ESR1: variants seen among roughly 807,000 people sequenced by gnomAD.
The protein encoded by ESR1 is estrogen receptor.
A neutral mutation model predicts 52.7 loss-of-function variants in ESR1; 12 were observed. The ratio of observed to expected loss-of-function variants is 0.23; its 90% CI spans 0.15 to 0.37. ESR1 has a LOEUF of 0.37. ESR1 is among the 10% of genes least tolerant of loss of function. ESR1 has a pLI of 1.00. For missense variants in ESR1, 584 were observed against 779.7 expected (o/e 0.75, Z 2.99); for synonymous variants, 305 against 316.8 (o/e 0.96, Z 0.39).
chr6:151,766,253 G>T (rs1785040901), intron 2 of ESR1, among the ~76,000 whole-genome samples: 2 of 152,212 alleles, frequency 1.3e-5, no homozygotes, highest in Non-Finnish European at 2.9e-5. Context: ...GAGCGATTCA[G>T]AGGTGGATTT....
chr6:151,656,799 C>G (rs1200768201), intron 1 of ESR1: 3 of 152,070 alleles, frequency 2.0e-5, no homozygotes, highest in Admixed American at 2.0e-4. Flanking sequence ...TTAACTTTCC[C>G]TTGGACAACT....
chr6:151,850,122 A>ATATTATTTTC (rs1313427763), intron 2 of ESR1, among the ~76,000 whole-genome samples: 1 of 143,998 alleles, frequency 6.9e-6, no homozygotes, highest in Non-Finnish European at 1.5e-5. Context: ...AATTATATAT[A>ATATTATTTTC]TATGTCTGGT....
chr6:152,024,879 A>G (rs1460834445), intron 5 of ESR1, among the ~76,000 whole-genome samples: 1 of 150,970 alleles, frequency 6.6e-6, no homozygotes, highest in Non-Finnish European at 1.5e-5. Context: ...ATATAAATAT[A>G]CTAGAAAGTC....
In ESR1 at chr6:151,789,861, C is replaced by T. The variant is rs575183300; in HGVS notation, c.-70-17982C>T. On this transcript the variant is annotated intron_variant, in intron 2 of 2. Transcript: ENST00000404742. ...TCCCTCCCATTTATTTGTCTTTGTGCATCTTAAAGCCAGCCTGAATTTCTA... is the reference window on the plus strand; with the variant it reads ...TCCCTCCCATTTATTTGTCTTTGTGTATCTTAAAGCCAGCCTGAATTTCTA... Among the ~76,000 whole-genome samples the T allele has an allele frequency of 2.6e-5, 4 of 152,232 alleles. No homozygotes were observed. The South Asian group carries it at 8.3e-4, about 32-fold the overall frequency.
intron 4 of ESR1, among the ~76,000 whole-genome samples, chr6:151,987,789 T>C (rs1381730594): frequency 6.6e-6 from 1 of 152,148 alleles, no homozygotes; most frequent in Non-Finnish European, 1.5e-5. Context: ...TGTATGCTGT[T>C]ATTATTTTTA....
intron 5 of ESR1, among the ~76,000 whole-genome samples, chr6:152,012,056 T>TCACA (rs1422789963): frequency 3.1e-5 from 4 of 129,058 alleles, no homozygotes; most frequent in African/African-American, 6.0e-5. Context: ...ACTCACACTC[T>TCACA]CTCTCTCTCT....
At chr6:152,118,185 C>T (rs1395079336) in intron 6 of ESR1, 1 of 152,142 alleles carries the variant, frequency 6.6e-6, no homozygotes, top group African/African-American at 2.4e-5. Context: ...GCTTTAATCT[C>T]CCTTTCCTCC....
At chr6:151,670,585 T>TA (rs35284610) in intron 1 of ESR1, among the ~76,000 whole-genome samples, 121 of 151,528 alleles carry the variant, frequency 8.0e-4, no homozygotes, top group Non-Finnish European at 1.3e-3. Context: ...AGAAGGCACT[T>TA]AAAAAAAAAT....
chr6:151,703,422 C>T (rs144943124), intron 2 of ESR1, among the ~76,000 whole-genome samples: 5 of 152,210 alleles, frequency 3.3e-5, no homozygotes, highest in African/African-American at 9.6e-5. Flanking sequence ...CACCCCGCCC[C>T]GTGAAACTCC....
rs1009045418 is a variant in ESR1, at chr6:151,914,404, A to G, written c.761-29769A>G. ...TTCTGAATGACTTAAAAATCATCACATAATGTGAGAGAATTTTCTATCATA... is the reference window on the plus strand; with the variant it reads ...TTCTGAATGACTTAAAAATCATCACGTAATGTGAGAGAATTTTCTATCATA... On this transcript the variant is annotated intron_variant, in intron 3 of 7. Transcript: ENST00000206249. 6.6e-5 allele frequency among the ~76,000 whole-genome samples: 10 copies of G among 152,256 alleles called. No individual in the cohort carries two copies. The East Asian group carries it at 1.5e-3, about 23-fold the overall frequency.
Position 152,103,140 on chromosome 6 carries a change from C to T in ESR1, c.*4174C>T, listed in dbSNP as rs1345148792. The T allele has an allele frequency of 1.4e-5, 3 of 211,838 alleles. No homozygotes were observed. The highest frequency in any genetic ancestry group is 2.9e-5 in the Non-Finnish European group (3 of 104,368). The allele number at this position is 211,838 out of a possible 1,614,324, so 13.1% of individuals were successfully genotyped here. A position where few individuals can be genotyped will look rare whatever the true frequency, so the allele number is the denominator to read the frequency against. On this transcript the variant is annotated 3_prime_UTR_variant, in exon 8 of 8. Coordinates refer to ENST00000206249, the MANE Select transcript of ESR1 (RefSeq NM_000125.4). Reference sequence around the variant, plus strand: ...TATTACTGATGTGACTCGGTTTTGTCGCAGCTTTGCTTTGTTTAATGAAAC... The same window carrying T: ...TATTACTGATGTGACTCGGTTTTGTTGCAGCTTTGCTTTGTTTAATGAAAC...
intron 1 of ESR1, chr6:151,813,414 G>A (rs1779127180): frequency 6.6e-6 from 1 of 152,126 alleles, no homozygotes; most frequent in South Asian, 2.1e-4. Flanking sequence ...TGAAAATGAA[G>A]TTTTTGTCTC....
At chr6:151,881,331 G>A (rs1474711097) in intron 3 of ESR1, among the ~76,000 whole-genome samples, 1 of 152,132 alleles carries the variant, frequency 6.6e-6, no homozygotes, top group African/African-American at 2.4e-5. Context: ...GTTGATTACT[G>A]AGCACTACAC....
intron 2 of ESR1, among the ~76,000 whole-genome samples, chr6:151,846,277 G>GT (rs1304991973): frequency 6.6e-6 from 1 of 152,218 alleles, no homozygotes; most frequent in Non-Finnish European, 1.5e-5. Context: ...ATCCTAGACT[G>GT]TGTAAAAACC....
intron 2 of ESR1, among the ~76,000 whole-genome samples, chr6:151,785,007 C>T (rs1425597180): frequency 6.6e-6 from 1 of 152,180 alleles, no homozygotes; most frequent in Non-Finnish European, 1.5e-5. Flanking sequence ...CAAGGCCCAC[C>T]CATGTTATGA....
chr6:151,786,846 G>A (rs1419903487), intron 2 of ESR1, among the ~76,000 whole-genome samples: 1 of 152,136 alleles, frequency 6.6e-6, no homozygotes, highest in East Asian at 1.9e-4. Context: ...GTCTTGCTCT[G>A]TCACCCAGGC....
intron 1 of ESR1, among the ~76,000 whole-genome samples, chr6:151,695,233 G>A (rs934213204): frequency 6.6e-6 from 1 of 152,138 alleles, no homozygotes; most frequent in Non-Finnish European, 1.5e-5. Flanking sequence ...ACTTCATTTG[G>A]ATTTAGTCTC....
At chr6:152,044,460 G>A (rs981124230) in intron 5 of ESR1, among the ~76,000 whole-genome samples, 1 of 152,212 alleles carries the variant, frequency 6.6e-6, no homozygotes, top group African/African-American at 2.4e-5. Context: ...AGTTTATTAA[G>A]GAGAATTGAC....
intron 2 of ESR1, among the ~76,000 whole-genome samples, chr6:151,780,848 C>T (rs1420266592): frequency 6.6e-6 from 1 of 152,170 alleles, no homozygotes; most frequent in Non-Finnish European, 1.5e-5. Context: ...GTCACTCTGT[C>T]CATATAATCA....
Sources: gnomAD v4.1 joint callset for allele counts (sites outside exome capture counted in the v4.1 genomes callset) on GRCh38, gnomAD v4.1.1 for gene constraint, MANE v1.5 for transcripts, NCBI Gene and HGNC (gene_info 2026-07-23, HGNC 2026-07-21) for gene names.